Variants in MYH15 observed in about 807,000 individuals in gnomAD.
The protein encoded by MYH15 is myosin-15.
A neutral mutation model predicts 240.5 loss-of-function variants in MYH15; 227 were observed. The observed-to-expected ratio is 0.94, with a 90% CI of 0.85 to 1.05. MYH15 has a LOEUF of 1.05. MYH15 is among the 50% of genes least tolerant of loss of function. The pLI is 0.00. For synonymous variants in MYH15, 785 were observed against 796.7 expected, an observed-to-expected ratio of 0.99 and a Z score of 0.25; for missense variants, 2,217 against 2,247.5, an observed-to-expected ratio of 0.99 and a Z score of 0.27.
chr3:108,527,507 T>A (rs2083682161), intron 1 of MYH15, among the ~76,000 whole-genome samples: 1 of 152,182 alleles, frequency 6.6e-6, no homozygotes, highest in African/African-American at 2.4e-5. Flanking sequence ...ACAATTTATG[T>A]TATTCTAATA....
At chr3:108,395,635 C>CTTTT (rs10708448) in intron 35 of MYH15, among the ~76,000 whole-genome samples, 9 of 135,540 alleles carry the variant, frequency 6.6e-5, no homozygotes, top group African/African-American at 1.9e-4. Flanking sequence ...TTTTTTCTTT[C>CTTTT]TTTTTTTTTT....
chr3:108,408,399 T>A lies in MYH15; in HGVS notation c.4501A>T (p.Ile1501Phe). The change falls in exon 32 of 41, where the codon ATT becomes TTT. Residue 1501 changes from isoleucine to phenylalanine, a missense_variant. Ile to Phe is a conservative substitution (Grantham distance 21). Transcript: ENST00000693548. ...CTAACCTGGTTTGTCAGATTAGAAA[T>A]CTCTTCTGGAGACAGAGGTAAGAAA... The part of the protein sequence containing the change: ...RRENKNLQEE[I>F]SNLTNQVREG... 1 of 1,609,678 alleles carries A rather than the reference T, an allele frequency of 6.2e-7. No individual in the cohort carries two copies. Among genetic ancestry groups the A allele is most frequent in the South Asian group, 1.1e-5 (1 of 90,168 alleles).
At chr3:108,518,959 G>T (rs538402644) in intron 1 of MYH15, among the ~76,000 whole-genome samples, 13 of 152,304 alleles carry the variant, frequency 8.5e-5, no homozygotes, top group African/African-American at 3.1e-4. Context: ...ACTCAGAGAA[G>T]ACTCTAGTTC....
the MYH15 span, among the ~76,000 whole-genome samples, chr3:108,549,542 A>G: frequency 6.6e-6 from 1 of 152,044 alleles, no homozygotes; most frequent in African/African-American, 2.4e-5. Flanking sequence ...TCTTTAAGAA[A>G]AGGCAAATTG....
At chr3:108,470,650 A>G in intron 13 of MYH15, 48 bp downstream of exon 13, 2 of 1,593,454 alleles carry the variant, frequency 1.3e-6, no homozygotes, top group Non-Finnish European at 1.7e-6. Context: ...ACGTTTTCTA[A>G]TCTTCTTATA....
At chr3:108,546,403 G>GTAAT in the MYH15 span, among the ~76,000 whole-genome samples, 1 of 152,160 alleles carries the variant, frequency 6.6e-6, no homozygotes, top group African/African-American at 2.4e-5. Flanking sequence ...TGAAGATAAT[G>GTAAT]TAATGGAGAG....
intron 25 of MYH15, among the ~76,000 whole-genome samples, chr3:108,431,638 GA>G (rs1391351847): frequency 2.6e-5 from 4 of 152,140 alleles, no homozygotes; most frequent in Non-Finnish European, 4.4e-5. Flanking sequence ...GACTAATATA[GA>G]AATTGGTACC....
At chr3:108,510,394 T>C (rs758851864) in intron 1 of MYH15, 49 bp downstream of exon 1, 2 of 1,571,150 alleles carry the variant, frequency 1.3e-6, no homozygotes, top group Non-Finnish European at 1.7e-6. Context: ...TTAGTCACCA[T>C]CTTGAAGGAG....
chr3:108,394,894 C>T (rs1444831789), intron 35 of MYH15, among the ~76,000 whole-genome samples: 1 of 152,166 alleles, frequency 6.6e-6, no homozygotes, highest in East Asian at 1.9e-4. Context: ...TTTATTTCTC[C>T]TTTCACTTTA....
intron 25 of MYH15, among the ~76,000 whole-genome samples, chr3:108,433,918 T>C (rs2082803046): frequency 6.6e-6 from 1 of 152,150 alleles, no homozygotes; most frequent in Non-Finnish European, 1.5e-5. Context: ...ATTATCCATT[T>C]AGTGTAAATC....
At chr3:108,532,610 A>G (rs2083719484), upstream of MYH15, among the ~76,000 whole-genome samples, 1 of 152,174 alleles carries the variant, frequency 6.6e-6, no homozygotes, top group East Asian at 1.9e-4. Context: ...TTCTTATGAG[A>G]AATCTCTCAC....
chr3:108,477,891 A>G (rs2083234408), intron 11 of MYH15, among the ~76,000 whole-genome samples: 2 of 152,174 alleles, frequency 1.3e-5, no homozygotes, highest in South Asian at 4.1e-4. Context: ...ACACAAAATA[A>G]TGACACAGGC....
intron 13 of MYH15, 47 bp downstream of exon 13, chr3:108,470,651 T>C: frequency 6.3e-7 from 1 of 1,594,400 alleles, no homozygotes; most frequent in Non-Finnish European, 8.6e-7. Context: ...CGTTTTCTAA[T>C]CTTCTTATAA....
At chr3:108,419,539 C>T (rs1320563498) in intron 28 of MYH15, among the ~76,000 whole-genome samples, 1 of 152,238 alleles carries the variant, frequency 6.6e-6, no homozygotes, top group East Asian at 1.9e-4. Context: ...TCCAGGTATT[C>T]TCCAGCTTTG....
chr3:108,416,669 C>G, intron 29 of MYH15, 143 bp downstream of exon 29: 1 of 698,654 alleles, frequency 1.4e-6, no homozygotes, highest in East Asian at 2.7e-5. Context: ...AGGGTTCTTC[C>G]TGGCATGGTT....
chr3:108,399,257 G>T lies in MYH15; in HGVS notation c.4747C>A (p.Gln1583Lys). 1 of 1,609,612 alleles carries T rather than the reference G, an allele frequency of 6.2e-7. No individual in the cohort carries two copies. The highest frequency in any genetic ancestry group is 8.5e-7 in the Non-Finnish European group (1 of 1,177,214). The stretch of plus-strand genomic sequence containing the variant: ...GACTGCAGGGAGTCAATGGTACACT[G>T]CTGCTTCCTCCTAATTTGAAATAAC... ...EEIENFRRKQ[Q>K]CTIDSLQSSL... Residue 1583 changes from glutamine (Q) to lysine (K), a missense_variant, in exon 34 of 41, where the codon CAG becomes AAG. By Grantham distance (53) the Gln-to-Lys change is moderately conservative. Transcript: ENST00000693548.
intron 1 of MYH15, among the ~76,000 whole-genome samples, chr3:108,521,188 C>T (rs2083615493): frequency 6.6e-6 from 1 of 151,704 alleles, no homozygotes; most frequent in African/African-American, 2.4e-5. Context: ...TTCTATTTGC[C>T]TCTTTCAACA....
intron 21 of MYH15, among the ~76,000 whole-genome samples, chr3:108,446,567 G>C (rs531484589): frequency 4.6e-5 from 7 of 152,178 alleles, no homozygotes; most frequent in African/African-American, 1.7e-4. Context: ...ACCACCAAAG[G>C]AACAAAACAA....
the MYH15 span, among the ~76,000 whole-genome samples, chr3:108,549,258 TAC>T: frequency 6.6e-6 from 1 of 151,846 alleles, no homozygotes; most frequent in Admixed American, 6.6e-5. Flanking sequence ...AAAAAATATT[TAC>T]ACACACTTTT....
Sources: allele counts gnomAD v4.1 joint callset (sites outside exome capture counted in the v4.1 genomes callset), GRCh38; gene constraint gnomAD v4.1.1; transcripts MANE v1.5; gene names NCBI Gene and HGNC (gene_info 2026-07-23, HGNC 2026-07-21).